CDK19: variants seen among roughly 807,000 people sequenced by gnomAD.
CDK19 encodes cyclin-dependent kinase 19.
In CDK19, 20 loss-of-function variants were observed where a neutral mutation model predicts 68.3. That is an observed-to-expected ratio of 0.29 (90% confidence interval 0.21 to 0.43). The LOEUF (loss-of-function observed/expected upper bound fraction) is 0.43, where lower values mean the gene tolerates loss of function less well. Ranked by LOEUF, CDK19 falls within the 20% of genes least tolerant of loss-of-function variation. The probability of loss-of-function intolerance (pLI) is 1.00; values close to 1 mark genes in which losing one functional copy is unlikely to be tolerated. For synonymous variants in CDK19, 221 were observed against 222.8 expected (o/e 0.99, Z 0.07); for missense variants, 339 against 623.5 (o/e 0.54, Z 4.86).
At chr6:110,689,855 C>T (rs1459180550) in intron 2 of CDK19, among the ~76,000 whole-genome samples, 1 of 152,146 alleles carries the variant, frequency 6.6e-6, no homozygotes, top group Non-Finnish European at 1.5e-5. Flanking sequence ...GGAGCAACAG[C>T]ATTCACAGTA....
At chr6:110,758,643 T>G (rs1051719242) in intron 1 of CDK19, among the ~76,000 whole-genome samples, 2 of 152,192 alleles carry the variant, frequency 1.3e-5, no homozygotes, top group African/African-American at 4.8e-5. Flanking sequence ...GAAAACTGTC[T>G]TTTAACTACA....
chr6:110,636,928 T>C (rs1779814594), intron 5 of CDK19, among the ~76,000 whole-genome samples: 1 of 152,260 alleles, frequency 6.6e-6, no homozygotes, highest in Non-Finnish European at 1.5e-5. Context: ...AAGGAAAGTC[T>C]GTCTTTCACA....
intron 2 of CDK19, among the ~76,000 whole-genome samples, chr6:110,682,386 C>T (rs1317315479): frequency 6.6e-6 from 1 of 152,096 alleles, no homozygotes; most frequent in African/African-American, 2.4e-5. Context: ...AGGAGATTTG[C>T]CTAATTCCAA....
At chr6:110,711,598 G>A (rs1364893103) in intron 2 of CDK19, among the ~76,000 whole-genome samples, 1 of 152,162 alleles carries the variant, frequency 6.6e-6, no homozygotes, top group Non-Finnish European at 1.5e-5. Context: ...TATGACACTT[G>A]TAAGTCAAAG....
chr6:110,668,063 A>G (rs567184159), intron 3 of CDK19, among the ~76,000 whole-genome samples: 3 of 152,352 alleles, frequency 2.0e-5, no homozygotes, highest in African/African-American at 7.2e-5. Flanking sequence ...AATGTTAAAT[A>G]TGAAATTGCT....
chr6:110,770,251 C>T (rs1216153702), intron 1 of CDK19, among the ~76,000 whole-genome samples: 2 of 151,998 alleles, frequency 1.3e-5, no homozygotes, highest in African/African-American at 2.4e-5. Context: ...TGTATTAGTC[C>T]GTTTTCATGC....
At chr6:110,754,789 T>G (rs1165426728) in intron 1 of CDK19, among the ~76,000 whole-genome samples, 1 of 152,146 alleles carries the variant, frequency 6.6e-6, no homozygotes, top group Non-Finnish European at 1.5e-5. Context: ...CTAAACTAAA[T>G]TTTTTATAGA....
chr6:110,648,778 C>T (rs568994539), intron 4 of CDK19, among the ~76,000 whole-genome samples: 6 of 151,844 alleles, frequency 4.0e-5, no homozygotes, highest in African/African-American at 1.2e-4. Flanking sequence ...AGTGCAGTGG[C>T]GCGATCTCGG....
At chr6:110,667,357 A>C in intron 4 of CDK19, 77 bp downstream of exon 4, 1 of 946,878 alleles carries the variant, frequency 1.1e-6, no homozygotes, top group Non-Finnish European at 1.6e-6. Flanking sequence ...TTTTATTATA[A>C]TGGTACCAAG....
intron 3 of CDK19, among the ~76,000 whole-genome samples, chr6:110,668,572 C>A (rs1227472271): frequency 6.6e-6 from 1 of 152,136 alleles, no homozygotes; most frequent in Non-Finnish European, 1.5e-5. Flanking sequence ...GTGGCTCACA[C>A]CTGTAATCCC....
chr6:110,658,739 C>T (rs771642589), intron 4 of CDK19, among the ~76,000 whole-genome samples: 16 of 152,128 alleles, frequency 1.1e-4, no homozygotes, highest in Non-Finnish European at 2.2e-4. Context: ...GCATATTTCA[C>T]ATATTTACAC....
intron 1 of CDK19, among the ~76,000 whole-genome samples, chr6:110,810,441 A>C (rs1782999075): frequency 1.3e-5 from 2 of 152,194 alleles, no homozygotes; most frequent in South Asian, 4.1e-4. Context: ...AATAATGGCC[A>C]AAAGTGTTGA....
At chr6:110,773,448 A>G (rs1172941783) in intron 1 of CDK19, among the ~76,000 whole-genome samples, 1 of 152,156 alleles carries the variant, frequency 6.6e-6, no homozygotes, top group Non-Finnish European at 1.5e-5. Flanking sequence ...TCTTCCAGTC[A>G]TGAGTCATGG....
chr6:110,646,756 C>A (rs573167685), intron 4 of CDK19, among the ~76,000 whole-genome samples: 2 of 152,150 alleles, frequency 1.3e-5, no homozygotes, highest in Non-Finnish European at 2.9e-5. Context: ...TGTTCCACTG[C>A]GCACGGTTGA....
intron 2 of CDK19, among the ~76,000 whole-genome samples, chr6:110,720,009 C>A (rs1775740586): frequency 7.1e-6 from 1 of 140,236 alleles, no homozygotes; most frequent in Non-Finnish European, 1.5e-5. Context: ...TTCGGCCTCC[C>A]AAAATGCTGG....
intron 1 of CDK19, among the ~76,000 whole-genome samples, chr6:110,762,345 G>T (rs934609889): frequency 6.6e-6 from 1 of 151,994 alleles, no homozygotes; most frequent in Non-Finnish European, 1.5e-5. Flanking sequence ...GAAATTTTGT[G>T]AACACCCTAG....
At chr6:110,643,169 C>A in intron 4 of CDK19, 2 of 1,283,124 alleles carry the variant, frequency 1.6e-6, no homozygotes, top group Admixed American at 2.4e-5. Flanking sequence ...CAAAGCAAAC[C>A]CCTTCTGGAG....
At chr6:110,765,501 G>A (rs1779520602) in intron 1 of CDK19, among the ~76,000 whole-genome samples, 1 of 151,986 alleles carries the variant, frequency 6.6e-6, no homozygotes, top group African/African-American at 2.4e-5. Context: ...ACAACATGGT[G>A]AAACCCCGTC....
intron 1 of CDK19, among the ~76,000 whole-genome samples, chr6:110,779,992 G>A (rs1780678449): frequency 6.6e-6 from 1 of 152,018 alleles, no homozygotes; most frequent in African/African-American, 2.4e-5. Context: ...GGCCGAGGCA[G>A]GCAGATCACA....
Sources: gnomAD v4.1 joint callset for allele counts (sites outside exome capture counted in the v4.1 genomes callset) on GRCh38, gnomAD v4.1.1 for gene constraint, MANE v1.5 for transcripts, NCBI Gene and HGNC (gene_info 2026-07-23, HGNC 2026-07-21) for gene names.